NUP210: variants seen among roughly 807,000 people sequenced by gnomAD.
NUP210 encodes nucleoporin 210.
A neutral mutation model predicts 196.0 loss-of-function variants in NUP210; 151 were observed. That is an observed-to-expected ratio of 0.77 (90% CI 0.67 to 0.88). The LOEUF is 0.88. Among genes scored for constraint, NUP210 ranks in the 40% least tolerant of loss-of-function variants. The probability of loss-of-function intolerance (pLI) is 0.00; values close to 1 mark genes in which losing one functional copy is unlikely to be tolerated. For missense variants in NUP210, 2,314 were observed against 2,493.7 expected (o/e 0.93, Z 1.53); for synonymous variants, 1,070 against 1,052.7 (o/e 1.02, Z -0.32).
In NUP210 at chr3:13,358,331, G is replaced by A. The variant is rs1698255428; in HGVS notation, c.2219C>T (p.Ala740Val). ...LTNPFPAVEPAVVKFVCAPPS... is the reference protein window; with the variant it reads ...LTNPFPAVEPVVVKFVCAPPS... ...TGGGGCGCAGACGAACTTCACCACG[G>A]CAGGCTCCACCGCAGGAAAGGGGTT... The change falls in exon 16 of 40, where the codon GCC becomes GTC. Residue 740 changes from alanine to valine, a missense_variant. Coordinates refer to ENST00000254508, the MANE Select transcript of NUP210 (RefSeq NM_024923.4). 6.2e-7 allele frequency: 1 copy of A among 1,613,758 alleles called. No individual in the cohort carries two copies. The highest frequency in any genetic ancestry group is 1.7e-5 in the Admixed American group (1 of 59,974).
At chr3:13,351,685 T>TG (rs1559323377) in intron 20 of NUP210, 194 bp downstream of exon 20, 107 of 547,182 alleles carry the variant, frequency 2.0e-4, no homozygotes, top group African/African-American at 1.9e-3. Context: ...TTTGTAGAGA[T>TG]GGGGGTCTCA....
In NUP210 at chr3:13,321,541, G is replaced by A; in HGVS notation, c.5166+44C>T. The A allele has an allele frequency of 1.9e-6, 3 of 1,589,078 alleles. 1 individual carries two copies. The highest frequency in any genetic ancestry group is 8.6e-7 in the Non-Finnish European group (1 of 1,161,010). ...CCTCTTCCTCCAGGGCCTTCCTGAT[G>A]CCCCTGACTCCGGCCTGGCCTGAGG... is the stretch of plus-strand genomic sequence containing the variant. On this transcript the variant is annotated intron_variant, in intron 36 of 39. Coordinates refer to ENST00000254508, the MANE Select transcript of NUP210 (RefSeq NM_024923.4).
intron 8 of NUP210, among the ~76,000 whole-genome samples, chr3:13,378,677 G>A (rs1699007889): frequency 6.6e-6 from 1 of 152,162 alleles, no homozygotes; most frequent in African/African-American, 2.4e-5. Context: ...CACTCTACCC[G>A]GTTCTGTTTC....
Position 13,375,159 on chromosome 3 carries a change from C to CT in NUP210, c.1431+344dup, listed in dbSNP as rs1202648737. On this transcript the variant is annotated intron_variant, in intron 11 of 39. Transcript: ENST00000254508. ...TTTTTTCTCTTTTTTTTTTTTTTTC[C>CT]TTTTTTTGAGTAGAGATGGAGGTCT... 6.6e-4 allele frequency among the ~76,000 whole-genome samples: 70 copies of CT among 106,758 alleles called. 1 individual carries two copies. The highest frequency in any genetic ancestry group is 2.5e-3 in the African/African-American group (68 of 27,282). 70.0% of individuals were successfully genotyped at this position (106,758 alleles called of 152,430 possible).
In NUP210 at chr3:13,371,971, C is replaced by A. The variant is rs769088447; in HGVS notation, c.1649G>T (p.Gly550Val). The change falls in exon 13 of 40, where the codon GGC becomes GTC. Residue 550 changes from glycine (G) to valine (V), a missense_variant. Gly to Val is a moderately radical substitution (Grantham distance 109). Coordinates refer to ENST00000254508, the MANE Select transcript of NUP210 (RefSeq NM_024923.4). Reference sequence around the variant, plus strand: ...CCTCAGGGGCAGCTCCAGGGCCTGGCCCACACGTGCCTCCACCTGGCACGG... The same window carrying A: ...CCTCAGGGGCAGCTCCAGGGCCTGGACCACACGTGCCTCCACCTGGCACGG... ...FAPCQVEARV[G>V]QALELPLRIS... 2.5e-6 allele frequency: 4 copies of A among 1,601,518 alleles called. No individual in the cohort carries two copies. The highest frequency in any genetic ancestry group is 3.4e-6 in the Non-Finnish European group (4 of 1,174,212).
chr3:13,383,774 G>A (rs1475894824), intron 6 of NUP210, among the ~76,000 whole-genome samples: 3 of 151,756 alleles, frequency 2.0e-5, no homozygotes, highest in African/African-American at 4.8e-5. Context: ...TGATCCGCCC[G>A]CCTCGGCCTC....
chr3:13,410,779 G>A (rs1032102834), intron 1 of NUP210, among the ~76,000 whole-genome samples: 7 of 151,534 alleles, frequency 4.6e-5, no homozygotes, highest in Admixed American at 2.6e-4. Context: ...TTAGCCGGGC[G>A]TGGTGGCAGA....
intron 1 of NUP210, among the ~76,000 whole-genome samples, chr3:13,412,430 T>G (rs1010443083): frequency 1.3e-5 from 2 of 151,936 alleles, no homozygotes; most frequent in Admixed American, 1.3e-4. Context: ...AAAGGAAACC[T>G]TGGCCAGGTG....
rs781311774 is a variant in NUP210, at chr3:13,351,974, G to GCT, written c.2738_2739dup (p.Leu914SerfsTer45). The GCT allele has an allele frequency of 6.2e-7, 1 of 1,610,762 alleles. No homozygotes were observed. Among genetic ancestry groups the GCT allele is most frequent in the East Asian group, 2.2e-5 (1 of 44,802 alleles). On this transcript the variant is annotated frameshift_variant, in exon 20 of 40. Coordinates refer to ENST00000254508, the MANE Select transcript of NUP210 (RefSeq NM_024923.4). LOFTEE classifies it high-confidence loss of function. ...TAACCTGAGCCTTCCCTGATGCGGAGCTCTGCCTGCAGGAGGCAGATGCAG... is the reference window on the plus strand; with the variant it reads ...TAACCTGAGCCTTCCCTGATGCGGAGCTCTCTGCCTGCAGGAGGCAGATGCAG...
intron 4 of NUP210, 132 bp downstream of exon 4, chr3:13,391,079 T>C (rs1699474491): frequency 1.5e-6 from 1 of 658,382 alleles, no homozygotes. Context: ...ACTCGGAATG[T>C]TACGGGCATC....
intron 1 of NUP210, among the ~76,000 whole-genome samples, chr3:13,406,846 C>A (rs901914965): frequency 6.6e-6 from 1 of 150,648 alleles, no homozygotes; most frequent in African/African-American, 2.4e-5. Flanking sequence ...CAACCCCCCC[C>A]ACCCCCCACA....
At chr3:13,319,423 G>C in intron 37 of NUP210, 98 bp from the exon 38 acceptor site, 1 of 1,018,728 alleles carries the variant, frequency 9.8e-7, no homozygotes, top group Non-Finnish European at 1.5e-6. Context: ...GCAGTCCACA[G>C]GTCCCTCTTA....
At position 13,379,680 on chromosome 3, in the gene NUP210, T is replaced by C; in HGVS notation, c.859A>G (p.Asn287Asp). 6.2e-7 allele frequency: 1 copy of C among 1,613,446 alleles called. No homozygotes were observed. The highest frequency in any genetic ancestry group is 8.5e-7 in the Non-Finnish European group (1 of 1,179,788). Residue 287 changes from asparagine (N) to aspartate (D), a missense_variant, in exon 7 of 40, where the codon AAC becomes GAC. By Grantham distance (23) the Asn-to-Asp change is conservative. Coordinates refer to ENST00000254508, the MANE Select transcript of NUP210 (RefSeq NM_024923.4). This position sits in a 1 kb window ranked among gnomAD's most constrained non-coding sequence, Gnocchi z 4.2. ...PSDQYELQLQ[N>D]SIPGPEGDPA... ...TCTCCTTCGGGGCCCGGGATGCTGT[T>C]CTGAAGCTGCAACTCGTACTGATCG...
chr3:13,395,129 C>G (rs530406776), intron 3 of NUP210, among the ~76,000 whole-genome samples: 1 of 152,164 alleles, frequency 6.6e-6, no homozygotes, highest in Non-Finnish European at 1.5e-5. Flanking sequence ...TGAGAGGAAA[C>G]CATCCAGGGC....
intron 1 of NUP210, among the ~76,000 whole-genome samples, chr3:13,406,839 C>T (rs1213519003): frequency 6.9e-6 from 1 of 145,090 alleles, no homozygotes; most frequent in East Asian, 2.0e-4. Flanking sequence ...TCTGCCCCAA[C>T]CCCCCCCACC....
intron 3 of NUP210, among the ~76,000 whole-genome samples, chr3:13,395,570 G>A (rs770663010): frequency 1.4e-4 from 22 of 152,236 alleles, no homozygotes; most frequent in East Asian, 7.7e-4. Flanking sequence ...TGCCCGCCTC[G>A]GCCTCCCAAA....
chr3:13,352,857 G>T lies in NUP210; in HGVS notation c.2629-673C>A, dbSNP rs79993102. ...GGTGACAAGGACAAGGAAGGTGTCT[G>T]CAAGGGAGAGCAGCTCTCAGGGGAA... On this transcript the variant is annotated intron_variant, in intron 18 of 39. Coordinates refer to ENST00000254508, the MANE Select transcript of NUP210 (RefSeq NM_024923.4). Among the ~76,000 whole-genome samples, 928 of 152,148 alleles carry T rather than the reference G, an allele frequency of 6.1e-3. 9 individuals carry two copies. The highest frequency in any genetic ancestry group is 0.037 in the East Asian group (188 of 5,146).
At position 13,335,110 on chromosome 3, in the gene NUP210, C is replaced by T. The variant is rs994831673; in HGVS notation, c.3843+344G>A. On this transcript the variant is annotated intron_variant, in intron 28 of 39. Coordinates refer to ENST00000254508, the MANE Select transcript of NUP210 (RefSeq NM_024923.4). ...TCTATGTGTGTTAAATAAACACAAA[C>T]GATTAAATTATCAGCCACTCAGACA... Among the ~76,000 whole-genome samples, 4 of 152,230 alleles carry T rather than the reference C, an allele frequency of 2.6e-5. No individual in the cohort carries two copies. The East Asian group carries it at 5.8e-4, about 22-fold the overall frequency.
rs974848854 is a variant in NUP210, at chr3:13,354,281, T to TG, written c.2329-175dup. The TG allele has an allele frequency of 6.5e-6, 4 of 616,078 alleles. No homozygotes were observed. The African/African-American group carries it at 7.4e-5, about 11-fold the overall frequency. The allele number at this position is 616,078 out of a possible 1,614,324, so 38.2% of individuals were successfully genotyped here. A position where few individuals can be genotyped will look rare whatever the true frequency, so the allele number is the denominator to read the frequency against. On this transcript the variant is annotated intron_variant, in intron 16 of 39. Transcript: ENST00000254508. ...TATTGCCACCCACCAGGTCCCCCCA[T>TG]GGCCCTGTCCAAGCTGGCCTCTGGC...
Sources: allele counts gnomAD v4.1 joint callset (sites outside exome capture counted in the v4.1 genomes callset), GRCh38; gene constraint gnomAD v4.1.1; non-coding constraint Gnocchi (gnomAD v3.1); transcripts MANE v1.5; gene names NCBI Gene and HGNC (gene_info 2026-07-23, HGNC 2026-07-21).